ADIPOQ: variants seen among roughly 807,000 people sequenced by gnomAD.
ADIPOQ encodes adiponectin.
Under a neutral mutation model 16.1 loss-of-function variants are expected in ADIPOQ, and 19 were observed. That is an observed-to-expected ratio of 1.18 (90% CI 0.82 to 1.73). The LOEUF is 1.73. Among genes scored for constraint, ADIPOQ ranks in the 40% most tolerant of loss-of-function variants. ADIPOQ has a pLI of 0.00. For synonymous variants in ADIPOQ, 124 were observed against 125.5 expected (o/e 0.99, Z 0.08); for missense variants, 323 against 308.3 (o/e 1.05, Z -0.36).
At chr3:186,843,074 C>A (rs1000743263) in intron 1 of ADIPOQ, among the ~76,000 whole-genome samples, 7 of 152,166 alleles carry the variant, frequency 4.6e-5, no homozygotes, top group Non-Finnish European at 1.0e-4. Flanking sequence ...CAGATGAAGT[C>A]CAATTCGATT....
chr3:186,843,773 C>T (rs1401791574), intron 1 of ADIPOQ, among the ~76,000 whole-genome samples: 1 of 151,896 alleles, frequency 6.6e-6, no homozygotes, highest in Non-Finnish European at 1.5e-5. Flanking sequence ...AAAACATTTT[C>T]TGACAGAAGA....
intron 1 of ADIPOQ, chr3:186,845,741 C>G (rs1251499496): frequency 2.0e-5 from 3 of 152,198 alleles, no homozygotes; most frequent in Non-Finnish European, 4.4e-5. Flanking sequence ...GCATCGTTCC[C>G]TCTCCAAGTC....
chr3:186,850,690 A>G (rs1342724912), intron 1 of ADIPOQ, among the ~76,000 whole-genome samples: 1 of 152,154 alleles, frequency 6.6e-6, no homozygotes, highest in East Asian at 1.9e-4. Flanking sequence ...TATTGATTAT[A>G]TCCACTTACT....
chr3:186,854,293 C>T lies in ADIPOQ; in HGVS notation c.324C>T (p.Ala108=). 7 of 1,614,208 alleles carry T rather than the reference C, an allele frequency of 4.3e-6. No individual in the cohort carries two copies. Among genetic ancestry groups the T allele is most frequent in the Non-Finnish European group, 5.1e-6 (6 of 1,180,044 alleles). The change falls in exon 3 of 3, where the codon GCC becomes GCT. Residue 108 remains alanine, a synonymous_variant. Coordinates refer to ENST00000320741, the MANE Select transcript of ADIPOQ (RefSeq NM_004797.4). ...GGAAAGGAGAACCTGGAGAAGGTGC[C>T]TATGTATACCGCTCAGCATTCAGTG... ...QGRKGEPGEG[A]YVYRSAFSVG... is the part of the protein sequence containing the mutation.
intron 1 of ADIPOQ, among the ~76,000 whole-genome samples, chr3:186,850,185 G>T (rs575651331): frequency 1.3e-5 from 2 of 150,174 alleles, no homozygotes; most frequent in African/African-American, 2.5e-5. Flanking sequence ...CATGAGAATC[G>T]CTTGAACCTG....
At position 186,854,203 on chromosome 3, in the gene ADIPOQ, A is replaced by C. The variant is rs1473400108; in HGVS notation, c.234A>C (p.Gly78=). The C allele has an allele frequency of 6.2e-7, 1 of 1,613,170 alleles. No homozygotes were observed. The highest frequency in any genetic ancestry group is 1.3e-5 in the African/African-American group (1 of 74,890). The change falls in exon 3 of 3, where the codon GGA becomes GGC. Residue 78 remains glycine (G), a synonymous_variant. Transcript: ENST00000320741. ...KGDPGLIGPK[G]DIGETGVPGA... ...CCTTAGGTCTTATTGGTCCTAAGGG[A>C]GACATCGGTGAAACCGGAGTACCCG...
intron 1 of ADIPOQ, among the ~76,000 whole-genome samples, chr3:186,843,297 GTGA>G (rs1243680059): frequency 1.3e-5 from 2 of 152,170 alleles, no homozygotes; most frequent in African/African-American, 4.8e-5. Flanking sequence ...TACAATGAGT[GTGA>G]CATGGTTGTT....
intron 1 of ADIPOQ, among the ~76,000 whole-genome samples, chr3:186,846,268 CAG>C (rs1202019356): frequency 1.3e-5 from 2 of 148,384 alleles, no homozygotes; most frequent in Admixed American, 6.8e-5. Context: ...TTTTTTGAGA[CAG>C]AGTCTTGCTC....
At position 186,854,840 on chromosome 3, in the gene ADIPOQ, T is replaced by C. The variant is rs1250363833; in HGVS notation, c.*136T>C. 1.6e-6 allele frequency: 2 copies of C among 1,270,870 alleles called. No individual in the cohort carries two copies. The highest frequency in any genetic ancestry group is 2.2e-6 in the Non-Finnish European group (2 of 900,234). 78.7% of individuals were successfully genotyped at this position (1,270,870 alleles called of 1,614,324 possible). A position where few individuals can be genotyped will look rare whatever the true frequency, so the allele number is the denominator to read the frequency against. On this transcript the variant is annotated 3_prime_UTR_variant, in exon 3 of 3. Transcript: ENST00000320741. Reference sequence around the variant, plus strand: ...TTCATTCATTTACTCATTCATTTATTCATTCATTCATCGAGTAACTTTAAA... The same window carrying C: ...TTCATTCATTTACTCATTCATTTATCCATTCATTCATCGAGTAACTTTAAA...
At chr3:186,854,001 A>G (rs2108491843) in intron 2 of ADIPOQ, 183 bp from the exon 3 acceptor site, 1 of 622,130 alleles carries the variant, frequency 1.6e-6, no homozygotes, top group Non-Finnish European at 2.8e-6. Context: ...GGGAGCCTCC[A>G]TGTCTGTGGG....
At position 186,854,928 on chromosome 3, in the gene ADIPOQ, G is replaced by C; in HGVS notation, c.*224G>C. On this transcript the variant is annotated 3_prime_UTR_variant, in exon 3 of 3. Coordinates refer to ENST00000320741, the MANE Select transcript of ADIPOQ (RefSeq NM_004797.4). The stretch of plus-strand genomic sequence containing the variant: ...ACAAACATGACCAGATAACTGACTA[G>C]AAAGAAGTAGTTGACAGTGCTATTT... The C allele has an allele frequency of 1.6e-6, 1 of 630,882 alleles. No individual in the cohort carries two copies. The highest frequency in any genetic ancestry group is 2.7e-6 in the Non-Finnish European group (1 of 372,958). The allele number at this position is 630,882 out of a possible 1,614,324, so 39.1% of individuals were successfully genotyped here. A position where few individuals can be genotyped will look rare whatever the true frequency, so the allele number is the denominator to read the frequency against.
chr3:186,850,986 C>T (rs991258739), intron 1 of ADIPOQ, among the ~76,000 whole-genome samples: 6 of 151,806 alleles, frequency 4.0e-5, no homozygotes, highest in Non-Finnish European at 7.4e-5. Flanking sequence ...GTTGGATGTG[C>T]CACGTGAAGA....
chr3:186,845,194 G>A (rs1253358946), intron 1 of ADIPOQ, among the ~76,000 whole-genome samples: 1 of 151,846 alleles, frequency 6.6e-6, no homozygotes. Context: ...GTATGGGTGC[G>A]GGTATGTGTG....
At chr3:186,848,808 G>A (rs1711655816) in intron 1 of ADIPOQ, among the ~76,000 whole-genome samples, 1 of 152,010 alleles carries the variant, frequency 6.6e-6, no homozygotes. Context: ...TGAAAATTAG[G>A]CACGTTTGCA....
At position 186,844,198 on chromosome 3, in the gene ADIPOQ, C is replaced by CT. The variant is rs560319829; in HGVS notation, c.-9+1456dup. Among the ~76,000 whole-genome samples the CT allele has an allele frequency of 1.1e-4, 16 of 152,076 alleles. No homozygotes were observed. In the South Asian group the frequency reaches 2.7e-3, roughly 26 times the overall value. ...CACTCTTCCTTAAGTCTTGAGGAGTCTTTTTTTGGCACAATCTCAGCTCAC... is the reference window on the plus strand; with the variant it reads ...CACTCTTCCTTAAGTCTTGAGGAGTCTTTTTTTTGGCACAATCTCAGCTCAC... On this transcript the variant is annotated intron_variant, in intron 1 of 2. Coordinates refer to ENST00000320741, the MANE Select transcript of ADIPOQ (RefSeq NM_004797.4).
At chr3:186,851,201 G>A (rs934875541) in intron 1 of ADIPOQ, among the ~76,000 whole-genome samples, 5 of 152,140 alleles carry the variant, frequency 3.3e-5, no homozygotes, top group African/African-American at 1.2e-4. Context: ...GCAAACTGAT[G>A]AAAAATAGTG....
chr3:186,853,489 C>T (rs1253066853), intron 2 of ADIPOQ, among the ~76,000 whole-genome samples: 2 of 152,198 alleles, frequency 1.3e-5, no homozygotes, highest in Admixed American at 6.5e-5. Context: ...ATCTGCAGCT[C>T]CTTTTCCATC....
Position 186,854,259 on chromosome 3 carries a change from T to C in ADIPOQ, c.290T>C (p.Ile97Thr), listed in dbSNP as rs370574236. Residue 97 changes from isoleucine to threonine, a missense_variant, in exon 3 of 3, where the codon ATC becomes ACC. Ile to Thr is a moderately conservative substitution (Grantham distance 89). Coordinates refer to ENST00000320741, the MANE Select transcript of ADIPOQ (RefSeq NM_004797.4). The stretch of plus-strand genomic sequence containing the variant: ...GAAGGTCCCCGAGGCTTTCCGGGAA[T>C]CCAAGGCAGGAAAGGAGAACCTGGA... ...GAEGPRGFPG[I>T]QGRKGEPGEG... is the part of the protein sequence containing the mutation. 5 of 1,613,728 alleles carry C rather than the reference T, an allele frequency of 3.1e-6. No individual in the cohort carries two copies. In the African/African-American group the frequency reaches 4.0e-5, roughly 13 times the overall value.
chr3:186,857,511 G>A lies in ADIPOQ; in HGVS notation c.*2807G>A, dbSNP rs568962543. On this transcript the variant is annotated 3_prime_UTR_variant, in exon 3 of 3. Coordinates refer to ENST00000320741, the MANE Select transcript of ADIPOQ (RefSeq NM_004797.4). ...GGCTATGCTCACAGTCTCACATCTGGTTGGGGTGGGCTCCTTACAGAACAC... is the reference window on the plus strand; with the variant it reads ...GGCTATGCTCACAGTCTCACATCTGATTGGGGTGGGCTCCTTACAGAACAC... 6.6e-6 allele frequency: 1 copy of A among 152,300 alleles called. No homozygotes were observed. The highest frequency in any genetic ancestry group is 1.9e-4 in the East Asian group (1 of 5,186). 9.4% of individuals were successfully genotyped at this position (152,300 alleles called of 1,614,324 possible).
Sources: gnomAD v4.1 joint callset for allele counts (sites outside exome capture counted in the v4.1 genomes callset) on GRCh38, gnomAD v4.1.1 for gene constraint, MANE v1.5 for transcripts, NCBI Gene and HGNC (gene_info 2026-07-23, HGNC 2026-07-21) for gene names.